NTRK3: variants seen among roughly 807,000 people sequenced by gnomAD.
NTRK3 encodes the protein NT-3 growth factor receptor.
Under a neutral mutation model 91.7 loss-of-function variants are expected in NTRK3, and 24 were observed. The ratio of observed to expected loss-of-function variants is 0.26; its 90% CI spans 0.19 to 0.37. The LOEUF is 0.37. Ranked by LOEUF, NTRK3 falls within the 10% of genes least tolerant of loss-of-function variation. NTRK3 has a pLI of 1.00. For missense variants in NTRK3, 880 were observed against 1,068.9 expected (o/e 0.82, Z 2.46); for synonymous variants, 483 against 404.0 (o/e 1.20, Z -2.34).
intron 3 of NTRK3, among the ~76,000 whole-genome samples, chr15:88,216,522 G>A (rs867644932): frequency 1.3e-5 from 2 of 152,154 alleles, no homozygotes; most frequent in African/African-American, 2.4e-5. Flanking sequence ...GATTCTGCAC[G>A]ACCCCAAATT....
chr15:88,064,068 G>A (rs937159161), intron 13 of NTRK3, among the ~76,000 whole-genome samples: 2 of 152,164 alleles, frequency 1.3e-5, no homozygotes, highest in Non-Finnish European at 1.5e-5. Context: ...CCTTATAAAA[G>A]ACAGAAAAGG....
chr15:87,878,908 TG>T (rs1479187897), intron 18 of NTRK3, among the ~76,000 whole-genome samples: 3 of 6,506 alleles, frequency 4.6e-4, no homozygotes, highest in Non-Finnish European at 1.2e-3. Flanking sequence ...GCATGCATGG[TG>T]TGTGTGTGTG....
chr15:88,197,094 CAAAAAAAA>C (rs59553739), intron 3 of NTRK3, among the ~76,000 whole-genome samples: 144 of 56,540 alleles, frequency 2.5e-3, no homozygotes, highest in Middle Eastern at 0.025. Flanking sequence ...TTGAGCAGGA[CAAAAAAAA>C]AAAAAAAAAA....
intron 5 of NTRK3, among the ~76,000 whole-genome samples, chr15:88,159,556 GT>G (rs2044238779): frequency 6.6e-6 from 1 of 152,160 alleles, no homozygotes; most frequent in Non-Finnish European, 1.5e-5. Context: ...GTGAAATTTT[GT>G]TTTCCCCATG....
intron 6 of NTRK3, among the ~76,000 whole-genome samples, chr15:88,139,289 C>T (rs1011728019): frequency 2.0e-5 from 3 of 152,238 alleles, no homozygotes; most frequent in East Asian, 1.9e-4. Flanking sequence ...TAAAGGGCAC[C>T]GGATAAATCT....
intron 14 of NTRK3, among the ~76,000 whole-genome samples, chr15:87,952,389 T>C (rs1330639089): frequency 1.3e-5 from 2 of 152,196 alleles, no homozygotes; most frequent in African/African-American, 4.8e-5. Context: ...GCTCTTGCCC[T>C]TGCACAGCAG....
chr15:88,202,778 A>G (rs556825780), intron 3 of NTRK3, among the ~76,000 whole-genome samples: 32 of 152,352 alleles, frequency 2.1e-4, no homozygotes, highest in African/African-American at 6.5e-4. Flanking sequence ...AGTGTGACCC[A>G]TGAGTCTTGT....
chr15:88,053,208 G>C (rs2045382937), intron 13 of NTRK3, among the ~76,000 whole-genome samples: 1 of 152,194 alleles, frequency 6.6e-6, no homozygotes, highest in Non-Finnish European at 1.5e-5. Context: ...CAGCCACAAA[G>C]GAAGGTGCAG....
chr15:87,925,484 G>A (rs893742452), intron 17 of NTRK3: 24 of 190,896 alleles, frequency 1.3e-4, no homozygotes, highest in Non-Finnish European at 2.1e-4. Flanking sequence ...TGGATTATCT[G>A]CACTTAGTGG....
At chr15:88,000,891 G>A (rs1478944109) in intron 14 of NTRK3, among the ~76,000 whole-genome samples, 1 of 152,108 alleles carries the variant, frequency 6.6e-6, no homozygotes, top group Non-Finnish European at 1.5e-5. Context: ...TAGGTCATAT[G>A]GTAATTCAAT....
At chr15:87,987,820 G>A (rs147839009) in intron 14 of NTRK3, among the ~76,000 whole-genome samples, 24 of 151,732 alleles carry the variant, frequency 1.6e-4, no homozygotes, top group African/African-American at 4.8e-4. Flanking sequence ...AGGGCTGGAC[G>A]TGGCCGAGAT....
At chr15:87,900,821 C>A (rs2066410244) in intron 17 of NTRK3, among the ~76,000 whole-genome samples, 1 of 151,942 alleles carries the variant, frequency 6.6e-6, no homozygotes. Flanking sequence ...TCACCCCTGG[C>A]CTTCTGTGTT....
intron 3 of NTRK3, among the ~76,000 whole-genome samples, chr15:88,251,679 G>C (rs1567721328): frequency 1.3e-5 from 2 of 152,248 alleles, no homozygotes; most frequent in African/African-American, 4.8e-5. Context: ...TTGGGGCCCT[G>C]GTCCTTCTAC....
At chr15:88,029,201 G>A (rs149284820) in intron 14 of NTRK3, among the ~76,000 whole-genome samples, 217 of 152,316 alleles carry the variant, frequency 1.4e-3, no homozygotes, top group African/African-American at 5.1e-3. Context: ...CAAACTAGGA[G>A]CATCTTTATT....
chr15:88,024,718 T>C (rs943440246), intron 14 of NTRK3, among the ~76,000 whole-genome samples: 2 of 152,026 alleles, frequency 1.3e-5, no homozygotes, highest in African/African-American at 4.8e-5. Flanking sequence ...GAAAGTGACA[T>C]GTAGGGAAAG....
At chr15:88,115,281 C>A (rs2051914234) in intron 13 of NTRK3, among the ~76,000 whole-genome samples, 1 of 152,220 alleles carries the variant, frequency 6.6e-6, no homozygotes, top group Non-Finnish European at 1.5e-5. Context: ...CCTTGCAAAG[C>A]AGGCACAAAG....
intron 13 of NTRK3, among the ~76,000 whole-genome samples, chr15:88,080,138 A>G (rs986494964): frequency 6.6e-6 from 1 of 152,214 alleles, no homozygotes; most frequent in African/African-American, 2.4e-5. Context: ...CCAATTTTCC[A>G]TCATTACAAA....
At chr15:88,161,165 T>C (rs145246866) in intron 5 of NTRK3, among the ~76,000 whole-genome samples, 63 of 152,276 alleles carry the variant, frequency 4.1e-4, no homozygotes, top group African/African-American at 1.5e-3. Flanking sequence ...TCTTTAAGGG[T>C]TTTGCATATA....
chr15:88,075,091 A>G (rs1212093496), intron 13 of NTRK3, among the ~76,000 whole-genome samples: 1 of 152,186 alleles, frequency 6.6e-6, no homozygotes, highest in Non-Finnish European at 1.5e-5. Flanking sequence ...TATCTCCCCA[A>G]ACTCCTTCTA....
Sources: gnomAD v4.1 joint callset for allele counts (sites outside exome capture counted in the v4.1 genomes callset) on GRCh38, gnomAD v4.1.1 for gene constraint, MANE v1.5 for transcripts, NCBI Gene and HGNC (gene_info 2026-07-23, HGNC 2026-07-21) for gene names.